Variants in SLC13A2 observed in about 807,000 individuals in gnomAD.
The protein encoded by SLC13A2 is solute carrier family 13 member 2, also known as Na(+)-coupled citrate transporter.
A neutral mutation model predicts 58.5 loss-of-function variants in SLC13A2; 40 were observed. That is an observed-to-expected ratio of 0.68 (90% confidence interval 0.53 to 0.89). The LOEUF (loss-of-function observed/expected upper bound fraction) is 0.89, where lower values mean the gene tolerates loss of function less well. Among genes scored for constraint, SLC13A2 ranks in the 40% least tolerant of loss-of-function variants. The pLI is 0.00. For synonymous variants in SLC13A2, 341 were observed against 331.6 expected, an observed-to-expected ratio of 1.03 and a Z score of -0.31; for missense variants, 694 against 772.6, an observed-to-expected ratio of 0.90 and a Z score of 1.21.
chr17:28,497,211 C>T lies in SLC13A2; in HGVS notation c.1721C>T (p.Ser574Phe), dbSNP rs1597514400. ...CACTCTTTCCCCTCCTGGGCACAGT[C>T]CAACACCACAGCCCAGTGCCTGCCA... The part of the protein sequence containing the change: ...SLHSFPSWAQ[S>F]NTTAQCLPSL... Residue 574 changes from serine to phenylalanine, a missense_variant, in exon 12 of 12, where the codon TCC becomes TTC. Physicochemically the swap from Ser to Phe is radical, Grantham distance 155. Transcript: ENST00000314669. 6.2e-7 allele frequency: 1 copy of T among 1,614,184 alleles called. No homozygotes were observed. Among genetic ancestry groups the T allele is most frequent in the African/African-American group, 1.3e-5 (1 of 75,056 alleles).
rs1457541689 is a variant in SLC13A2, at chr17:28,493,662, C to T, written c.970C>T (p.Pro324Ser). ...VIQTEHRLLG[P>S]MTFAEKAISI... ...CCAGACCGAGCACAGGCTGCTGGGC[C>T]CCATGACCTTTGCAGAAAAGGCCAT... Residue 324 changes from proline to serine, a missense_variant, in exon 7 of 12, where the codon CCC becomes TCC. Transcript: ENST00000314669. 6 of 1,614,122 alleles carry T rather than the reference C, an allele frequency of 3.7e-6. No individual in the cohort carries two copies. The highest frequency in any genetic ancestry group is 5.1e-6 in the Non-Finnish European group (6 of 1,180,044).
intron 1 of SLC13A2, among the ~76,000 whole-genome samples, chr17:28,479,955 G>A (rs369252091): frequency 6.6e-6 from 1 of 152,164 alleles, no homozygotes; most frequent in South Asian, 2.1e-4. Context: ...AGGAGTTCGA[G>A]ACCAGCCTGG....
intron 1 of SLC13A2, 72 bp downstream of exon 1, chr17:28,473,886 C>T (rs2068627493): frequency 1.5e-6 from 2 of 1,303,314 alleles, no homozygotes; most frequent in Non-Finnish European, 2.2e-6. Flanking sequence ...CGGGGTTGGG[C>T]ATCCTTAGGA....
At chr17:28,478,564 G>A (rs895416397) in intron 1 of SLC13A2, among the ~76,000 whole-genome samples, 1 of 152,186 alleles carries the variant, frequency 6.6e-6, no homozygotes, top group Admixed American at 6.5e-5. Context: ...ACAGTCAGAG[G>A]CATCAGCAGA....
chr17:28,492,310 G>A (rs547922544), intron 6 of SLC13A2, among the ~76,000 whole-genome samples: 2 of 152,304 alleles, frequency 1.3e-5, no homozygotes, highest in East Asian at 3.9e-4. Flanking sequence ...TGATATGGTG[G>A]GGTCACGACA....
rs1046328411 is a variant in SLC13A2, at chr17:28,494,302, A to G, written c.1187-89A>G. On this transcript the variant is annotated intron_variant, in intron 8 of 11. Coordinates refer to ENST00000314669, the MANE Select transcript of SLC13A2 (RefSeq NM_003984.4). The surrounding 1 kb of genome is among the most constrained non-coding windows in gnomAD (Gnocchi z 4.0). ...TCCCCTCCTGCACGCGTTAAGCTCC[A>G]AAAGGGACCCACACAGGGAGCCCGC... is the stretch of plus-strand genomic sequence containing the variant. The G allele has an allele frequency of 2.0e-5, 32 of 1,610,230 alleles. No homozygotes were observed. The highest frequency in any genetic ancestry group is 2.6e-5 in the Non-Finnish European group (31 of 1,177,112).
rs1471583788 is a variant in SLC13A2, at chr17:28,497,317, C to T, written c.*48C>T. Reference sequence around the variant, plus strand: ...CCCAGGAAGACCCACCCCATTCCCACTCCTCTGAGCCCGGAGGGGACACCC... The same window carrying T: ...CCCAGGAAGACCCACCCCATTCCCATTCCTCTGAGCCCGGAGGGGACACCC... On this transcript the variant is annotated 3_prime_UTR_variant, in exon 12 of 12. Coordinates refer to ENST00000314669, the MANE Select transcript of SLC13A2 (RefSeq NM_003984.4). The T allele has an allele frequency of 1.9e-6, 3 of 1,569,248 alleles. No individual in the cohort carries two copies. The Admixed American group carries it at 5.3e-5, about 28-fold the overall frequency.
chr17:28,493,846 G>A (rs1555604077), intron 7 of SLC13A2, 57 bp downstream of exon 7: 3 of 1,591,194 alleles, frequency 1.9e-6, no homozygotes, highest in South Asian at 1.1e-5. Flanking sequence ...GCTCGGGAAG[G>A]AGGGAAGGGT....
chr17:28,496,907 C>T lies in SLC13A2; in HGVS notation c.1609-192C>T, dbSNP rs2069155261. On this transcript the variant is annotated intron_variant, in intron 11 of 11. Coordinates refer to ENST00000314669, the MANE Select transcript of SLC13A2 (RefSeq NM_003984.4). This position sits in a 1 kb window ranked among gnomAD's most constrained non-coding sequence, Gnocchi z 4.2. ...GCCCTGGAAGCTCAGGAGGAGCGCC[C>T]CTTTCCCCTGTTAGCACAGGGAGTA... is the stretch of plus-strand genomic sequence containing the variant. Among the ~76,000 whole-genome samples, 7 of 152,186 alleles carry T rather than the reference C, an allele frequency of 4.6e-5. No homozygotes were observed. The highest frequency in any genetic ancestry group is 4.6e-4 in the Admixed American group (7 of 15,282).
In SLC13A2 at chr17:28,489,297, C is replaced by T. The variant is rs782383823; in HGVS notation, c.186C>T (p.Phe62=). ...TGCCCCTGGCCGTCACTGCCCTCTT[C>T]CCCTTAATCCTGTTCCCTATGATGG... ...EALPLAVTAL[F]PLILFPMMGI... The change falls in exon 2 of 12, where the codon TTC becomes TTT. Residue 62 remains phenylalanine (F), a synonymous_variant. Transcript: ENST00000314669. The T allele has an allele frequency of 1.9e-6, 3 of 1,613,984 alleles. No individual in the cohort carries two copies. In the African/African-American group the frequency reaches 4.0e-5, roughly 22 times the overall value.
chr17:28,489,467 C>A, intron 2 of SLC13A2, 125 bp downstream of exon 2: 1 of 1,160,690 alleles, frequency 8.6e-7, no homozygotes, highest in Non-Finnish European at 1.2e-6. Flanking sequence ...GGGTTCCTGA[C>A]TCTGCATGAG....
intron 2 of SLC13A2, among the ~76,000 whole-genome samples, chr17:28,489,806 A>C (rs782708675): frequency 6.6e-6 from 1 of 152,210 alleles, no homozygotes; most frequent in Non-Finnish European, 1.5e-5. Flanking sequence ...TGGCCCAGGG[A>C]TCATACTTTG....
chr17:28,473,918 C>T (rs1482676308), intron 1 of SLC13A2, 104 bp downstream of exon 1: 1 of 913,376 alleles, frequency 1.1e-6, no homozygotes, highest in African/African-American at 1.6e-5. Context: ...TTCCTCACTG[C>T]CCCTGCCCTG....
Position 28,473,760 on chromosome 17 carries a change from C to G in SLC13A2, c.48C>G (p.Ile16Met), listed in dbSNP as rs1555599385. The part of the protein sequence containing the change: ...QALWAYRSYL[I>M]VFFVPILLLP... ...TGTGGGCCTATCGCTCCTACCTGATCGTGTTCTTCGTGCCCATTCTCCTGC... is the reference window on the plus strand; with the variant it reads ...TGTGGGCCTATCGCTCCTACCTGATGGTGTTCTTCGTGCCCATTCTCCTGC... Residue 16 changes from isoleucine to methionine, a missense_variant, in exon 1 of 12, where the codon ATC (isoleucine) becomes ATG (methionine). Transcript: ENST00000314669. The G allele has an allele frequency of 1.9e-6, 3 of 1,614,190 alleles. No individual in the cohort carries two copies. The highest frequency in any genetic ancestry group is 2.5e-6 in the Non-Finnish European group (3 of 1,180,026).
rs782209676 is a variant in SLC13A2 at position 28,493,724 on chromosome 17, C to T, written c.1032C>T (p.Phe344=). 1.4e-5 allele frequency: 23 copies of T among 1,614,122 alleles called. No individual in the cohort carries two copies. The highest frequency in any genetic ancestry group is 1.1e-5 in the Non-Finnish European group (13 of 1,180,060). The change falls in exon 7 of 12, where the codon TTC becomes TTT. Residue 344 remains phenylalanine, a synonymous_variant. Coordinates refer to ENST00000314669, the MANE Select transcript of SLC13A2 (RefSeq NM_003984.4). ...TCGTCATCCTGGTGCTGCTCTGGTTCACCCGGGAGCCGGGCTTTTTTCTTG... is the reference window on the plus strand; with the variant it reads ...TCGTCATCCTGGTGCTGCTCTGGTTTACCCGGGAGCCGGGCTTTTTTCTTG... ...ILFVILVLLW[F]TREPGFFLGW... is the part of the protein sequence containing the mutation.
At position 28,497,263 on chromosome 17, in the gene SLC13A2, C is replaced by A; in HGVS notation, c.1773C>A (p.Ser591Arg). Reference protein sequence around the residue: ...LPSLANTTTPSP With the variant: ...LPSLANTTTPRP The stretch of plus-strand genomic sequence containing the variant: ...GCCTGGCCAACACCACCACACCAAG[C>A]CCCTAGGCTGGGGCACAGCCTGGCC... The change falls in exon 12 of 12, where the codon AGC (serine) becomes AGA (arginine). Residue 591 changes from serine to arginine, a missense_variant. By Grantham distance (110) the Ser-to-Arg change is moderately radical. Transcript: ENST00000314669. The A allele has an allele frequency of 6.2e-7, 1 of 1,613,344 alleles. No individual in the cohort carries two copies. The highest frequency in any genetic ancestry group is 8.5e-7 in the Non-Finnish European group (1 of 1,179,540).
chr17:28,491,842 C>A lies in SLC13A2; in HGVS notation c.868C>A (p.Leu290Met), dbSNP rs782047559. The change falls in exon 6 of 12, where the codon CTG becomes ATG. Residue 290 changes from leucine (L) to methionine (M), a missense_variant. By Grantham distance (15) the Leu-to-Met change is conservative. Coordinates refer to ENST00000314669, the MANE Select transcript of SLC13A2 (RefSeq NM_003984.4). ...LAWLWLQILF[L>M]GFNFRKNFGI... ...CTGGTTGTGGCTGCAGATCCTCTTC[C>A]TGGGCTTCAAGTAAGTGGCAAAGTT... 1.2e-6 allele frequency: 2 copies of A among 1,614,046 alleles called. No individual in the cohort carries two copies. Among genetic ancestry groups the A allele is most frequent in the Non-Finnish European group, 1.7e-6 (2 of 1,179,918 alleles).
intron 1 of SLC13A2, among the ~76,000 whole-genome samples, chr17:28,484,738 G>C (rs2068845872): frequency 6.6e-6 from 1 of 152,216 alleles, no homozygotes; most frequent in African/African-American, 2.4e-5. Flanking sequence ...GACCAGGCTA[G>C]TGGTCCAGAG....
chr17:28,483,976 A>T (rs1441250827), intron 1 of SLC13A2, among the ~76,000 whole-genome samples: 1 of 152,168 alleles, frequency 6.6e-6, no homozygotes, highest in Admixed American at 6.5e-5. Flanking sequence ...TCTGCCCTTC[A>T]GGCCAGCCCA....
Sources: allele counts gnomAD v4.1 joint callset (sites outside exome capture counted in the v4.1 genomes callset), GRCh38; gene constraint gnomAD v4.1.1; non-coding constraint Gnocchi (gnomAD v3.1); transcripts MANE v1.5; gene names NCBI Gene and HGNC (gene_info 2026-07-23, HGNC 2026-07-21).